Variants in NEO1 observed in about 807,000 individuals in gnomAD.
NEO1 encodes the protein neogenin.
NEO1 carries 63 observed loss-of-function variants against 159.7 expected under a neutral mutation model. The ratio of observed to expected loss-of-function variants is 0.39; its 90% confidence interval spans 0.32 to 0.49. The LOEUF (loss-of-function observed/expected upper bound fraction) is 0.49. Among genes scored for constraint, NEO1 ranks in the 20% least tolerant of loss-of-function variants. The pLI, the probability that NEO1 is intolerant of heterozygous loss-of-function variation, is 0.85. For missense variants in NEO1, 1,615 were observed against 1,831.0 expected (o/e 0.88, Z 2.15); for synonymous variants, 633 against 662.0 (o/e 0.96, Z 0.67).
chr15:73,290,715 C>G lies in NEO1; in HGVS notation c.3742+1477C>G, dbSNP rs1434964823. On this transcript the variant is annotated intron_variant, in intron 25 of 28. Transcript: ENST00000261908. ...CTATGTCCTCTCTCGTCACTGTTTT[C>G]AAGGAAGTGAAGCCTTTCAGACTAG... Among the ~76,000 whole-genome samples the G allele has an allele frequency of 2.6e-5, 4 of 152,300 alleles. No individual in the cohort carries two copies. The East Asian group carries it at 5.8e-4, about 22-fold the overall frequency.
At chr15:73,249,356 C>A in intron 10 of NEO1, 148 bp downstream of exon 10, 1 of 1,056,912 alleles carries the variant, frequency 9.5e-7, no homozygotes, top group Non-Finnish European at 1.3e-6. Context: ...TTCTTTGTAC[C>A]AAGATTTATT....
chr15:73,124,588 T>G (rs4777591), intron 3 of NEO1, among the ~76,000 whole-genome samples: 82,109 of 151,956 alleles, frequency 0.54, 22,500 homozygotes, highest in Middle Eastern at 0.6. Flanking sequence ...CATTTTCTCT[T>G]TCTGGAATCC....
intron 21 of NEO1, 72 bp downstream of exon 21, chr15:73,274,796 CT>C (rs201909530): frequency 0.21 from 218,139 of 1,023,750 alleles, 4 homozygotes; most frequent in Middle Eastern, 0.27. Context: ...GTTTTTGTTT[CT>C]TTTTTTTTTT....
intron 1 of NEO1, among the ~76,000 whole-genome samples, chr15:73,068,336 C>CA (rs56161117): frequency 0.55 from 83,426 of 151,076 alleles, 23,390 homozygotes; most frequent in Middle Eastern, 0.6. Context: ...ATTCTAGTGC[C>CA]CAATAGCTGG....
intron 26 of NEO1, among the ~76,000 whole-genome samples, chr15:73,296,296 GCCAGCTCCTACCCTGC>G (rs1467889160): frequency 1.3e-5 from 2 of 152,050 alleles, no homozygotes; most frequent in Admixed American, 1.3e-4. Context: ...ACCCTTCCTA[GCCAGCTCCTACCCTGC>G]CCAGCTTCTC....
chr15:73,112,673 A>G (rs2071068785), intron 1 of NEO1, among the ~76,000 whole-genome samples: 2 of 152,154 alleles, frequency 1.3e-5, no homozygotes, highest in Non-Finnish European at 2.9e-5. Flanking sequence ...ACAATAATGT[A>G]GTATAAGATC....
chr15:73,100,754 A>G (rs1007089769), intron 1 of NEO1, among the ~76,000 whole-genome samples: 7 of 152,134 alleles, frequency 4.6e-5, no homozygotes, highest in African/African-American at 1.7e-4. Flanking sequence ...TCCTATTTGA[A>G]CTTCTTTAAA....
intron 1 of NEO1, among the ~76,000 whole-genome samples, chr15:73,064,909 T>C (rs999824718): frequency 1.3e-5 from 2 of 152,154 alleles, no homozygotes; most frequent in African/African-American, 2.4e-5. Context: ...CATTTTATTA[T>C]TTACTTCTGC....
chr15:73,097,463 C>T (rs763745584), intron 1 of NEO1, among the ~76,000 whole-genome samples: 14 of 147,708 alleles, frequency 9.5e-5, no homozygotes, highest in Admixed American at 1.4e-4. Flanking sequence ...CAGGTTCAAG[C>T]GATTCTGCTG....
At chr15:73,108,403 T>G (rs1351427258) in intron 1 of NEO1, among the ~76,000 whole-genome samples, 1 of 152,192 alleles carries the variant, frequency 6.6e-6, no homozygotes, top group Non-Finnish European at 1.5e-5. Flanking sequence ...CAAGTCATCT[T>G]GAGATCAAAT....
intron 8 of NEO1, among the ~76,000 whole-genome samples, chr15:73,242,634 C>T (rs2039548653): frequency 6.6e-6 from 1 of 152,182 alleles, no homozygotes; most frequent in Admixed American, 6.5e-5. Flanking sequence ...CACACCAGAG[C>T]ACTCCAGCCT....
chr15:73,080,091 T>C (rs2068965485), intron 1 of NEO1, among the ~76,000 whole-genome samples: 1 of 152,212 alleles, frequency 6.6e-6, no homozygotes, highest in Non-Finnish European at 1.5e-5. Flanking sequence ...GGGGGAGACC[T>C]ACAAATAATT....
At chr15:73,120,153 A>T (rs2071556039) in intron 2 of NEO1, among the ~76,000 whole-genome samples, 1 of 149,664 alleles carries the variant, frequency 6.7e-6, no homozygotes, top group Admixed American at 6.6e-5. Context: ...AAATTAATTA[A>T]TTAATTTAAT....
chr15:73,284,243 T>G lies in NEO1; in HGVS notation c.3410+1132T>G, dbSNP rs142473960. ...ATAAAATGACTTTAGTTGCAATATCTTGAAAGATCATAAGATGGGGGTGTT... is the reference window on the plus strand; with the variant it reads ...ATAAAATGACTTTAGTTGCAATATCGTGAAAGATCATAAGATGGGGGTGTT... On this transcript the variant is annotated intron_variant, in intron 23 of 28. Transcript: ENST00000261908. Among the ~76,000 whole-genome samples, 365 of 152,328 alleles carry G rather than the reference T, an allele frequency of 2.4e-3. 3 individuals are homozygous for G. The highest frequency in any genetic ancestry group is 7.5e-3 in the African/African-American group (313 of 41,570).
chr15:73,242,561 A>G (rs940226999), intron 8 of NEO1, among the ~76,000 whole-genome samples: 2 of 152,058 alleles, frequency 1.3e-5, no homozygotes, highest in Non-Finnish European at 2.9e-5. Flanking sequence ...CCAGCTACGT[A>G]CTGGAGGCCA....
intron 1 of NEO1, among the ~76,000 whole-genome samples, chr15:73,102,079 G>T (rs1595985604): frequency 6.6e-6 from 1 of 152,058 alleles, no homozygotes; most frequent in African/African-American, 2.4e-5. Flanking sequence ...ATCAGAATCT[G>T]AATTTTAGTC....
At chr15:73,194,924 ATT>A (rs1206064097) in intron 7 of NEO1, among the ~76,000 whole-genome samples, 2 of 152,180 alleles carry the variant, frequency 1.3e-5, no homozygotes, top group Non-Finnish European at 2.9e-5. Flanking sequence ...GTCTCCATTA[ATT>A]TTGAGTTATG....
rs75348173 is a variant in NEO1 at position 73,164,913 on chromosome 15, G to A, written c.1016-11490G>A. Among the ~76,000 whole-genome samples the A allele has an allele frequency of 7.5e-3, 1,143 of 152,182 alleles. 16 individuals carry two copies. The highest frequency in any genetic ancestry group is 0.027 in the African/African-American group (1,112 of 41,512). ...ACAAGTTGCAGAAAATTAGTTATTG[G>A]TTGACTCAGTCTGTATTTTATTTTA... On this transcript the variant is annotated intron_variant, in intron 5 of 28. Coordinates refer to ENST00000261908, the MANE Select transcript of NEO1 (RefSeq NM_002499.4).
chr15:73,266,908 A>G (rs1374485113), intron 16 of NEO1, among the ~76,000 whole-genome samples: 1 of 152,210 alleles, frequency 6.6e-6, no homozygotes, highest in African/African-American at 2.4e-5. Context: ...GATCAGTTAT[A>G]CATTTATTAC....
Sources: allele counts gnomAD v4.1 joint callset (sites outside exome capture counted in the v4.1 genomes callset), GRCh38; gene constraint gnomAD v4.1.1; transcripts MANE v1.5; gene names NCBI Gene and HGNC (gene_info 2026-07-23, HGNC 2026-07-21).